The following ITIH5 variants were observed in gnomAD, a reference collection of about 807,000 sequenced individuals.
ITIH5 encodes inter-alpha-trypsin inhibitor heavy chain H5.
ITIH5 carries 65 observed loss-of-function variants against 77.5 expected under a neutral mutation model. That is an observed-to-expected ratio of 0.84 (90% CI 0.69 to 1.03). The LOEUF is 1.03. ITIH5 is among the 50% of genes least tolerant of loss of function. The pLI is 0.00. For missense variants in ITIH5, 1,208 were observed against 1,213.1 expected (o/e 1.00, Z 0.06); for synonymous variants, 525 against 494.3 (o/e 1.06, Z -0.82).
At chr10:7,631,721 A>C (rs1053677996) in intron 5 of ITIH5, among the ~76,000 whole-genome samples, 1 of 152,102 alleles carries the variant, frequency 6.6e-6, no homozygotes, top group Non-Finnish European at 1.5e-5. Context: ...AACAAAATAC[A>C]TTTTAACAAG....
chr10:7,582,371 G>C lies in ITIH5; in HGVS notation c.1109-2307C>G, dbSNP rs1333948726. On this transcript the variant is annotated intron_variant, in intron 8 of 13. Transcript: ENST00000397146. ...ACAGTGAGGTTTCTGGGTTAGCTAAGAATTCCACTGGACTAAGCTACCAAC... is the reference window on the plus strand; with the variant it reads ...ACAGTGAGGTTTCTGGGTTAGCTAACAATTCCACTGGACTAAGCTACCAAC... Among the ~76,000 whole-genome samples the C allele has an allele frequency of 2.0e-5, 3 of 152,124 alleles. No individual in the cohort carries two copies. In the East Asian group the frequency reaches 5.8e-4, roughly 29 times the overall value.
At chr10:7,616,883 A>G (rs927523220) in intron 6 of ITIH5, among the ~76,000 whole-genome samples, 2 of 152,210 alleles carry the variant, frequency 1.3e-5, no homozygotes, top group Admixed American at 1.3e-4. Flanking sequence ...AAAACACCAC[A>G]GGGAGCTTTA....
intron 2 of ITIH5, among the ~76,000 whole-genome samples, chr10:7,653,288 C>T (rs1004718499): frequency 6.6e-6 from 1 of 152,140 alleles, no homozygotes; most frequent in Non-Finnish European, 1.5e-5. Flanking sequence ...CTCACTGCAA[C>T]CTATGCCTCC....
At chr10:7,600,415 T>C in intron 7 of ITIH5, 1 of 407,428 alleles carries the variant, frequency 2.5e-6, no homozygotes, top group Non-Finnish European at 4.9e-6. Context: ...CACAACTGTC[T>C]CCTGAACATC....
rs1353118230 is a variant in ITIH5, at chr10:7,566,814, G to A, written c.2150-407C>T. Among the ~76,000 whole-genome samples the A allele has an allele frequency of 7.7e-4, 33 of 42,698 alleles. 6 individuals carry two copies. Among genetic ancestry groups the A allele is most frequent in the African/African-American group, 2.1e-3 (16 of 7,640 alleles). 28.0% of individuals were successfully genotyped at this position (42,698 alleles called of 152,430 possible). ...AAGAAGAAGAAGAGGAAGAGGAAGA[G>A]GAAGAGGAAGAGGAAGAGGAAGAGG... is the stretch of plus-strand genomic sequence containing the variant. On this transcript the variant is annotated intron_variant, in intron 12 of 13. Coordinates refer to ENST00000397146, the MANE Select transcript of ITIH5 (RefSeq NM_030569.7).
intron 1 of ITIH5, among the ~76,000 whole-genome samples, chr10:7,659,976 C>A (rs1834249930): frequency 6.6e-6 from 1 of 152,202 alleles, no homozygotes; most frequent in Admixed American, 6.5e-5. Flanking sequence ...TGACTCCCAG[C>A]TTCAGGCAAA....
intron 7 of ITIH5, among the ~76,000 whole-genome samples, chr10:7,598,851 G>A (rs1235052293): frequency 4.6e-5 from 7 of 152,064 alleles, no homozygotes; most frequent in Admixed American, 4.6e-4. Context: ...TTTTAAAAAG[G>A]CTGAATAGGT....
rs1048984145 is a variant in ITIH5 at position 7,627,177 on chromosome 10, G to C, written c.653-9895C>G. ...GGGGAGGGAAAGCATTAGGACAAAA[G>C]CTAATACATGCGGGGCTTAAAACCT... On this transcript the variant is annotated intron_variant, in intron 5 of 13. Transcript: ENST00000397146. Among the ~76,000 whole-genome samples the C allele has an allele frequency of 2.0e-5, 3 of 152,228 alleles. No homozygotes were observed. The East Asian group carries it at 5.8e-4, about 29-fold the overall frequency.
chr10:7,632,204 T>C (rs953117839), intron 5 of ITIH5, among the ~76,000 whole-genome samples: 2 of 152,224 alleles, frequency 1.3e-5, no homozygotes, highest in African/African-American at 4.8e-5. Flanking sequence ...CAACCTTTAC[T>C]GAGCATCTGA....
intron 1 of ITIH5, among the ~76,000 whole-genome samples, chr10:7,656,001 C>T (rs923402503): frequency 3.9e-5 from 6 of 152,118 alleles, no homozygotes; most frequent in African/African-American, 1.4e-4. Flanking sequence ...TATTCTGTTT[C>T]ATTTTATTTG....
chr10:7,580,558 T>C (rs959992845), intron 8 of ITIH5, among the ~76,000 whole-genome samples: 1 of 152,230 alleles, frequency 6.6e-6, no homozygotes, highest in Non-Finnish European at 1.5e-5. Flanking sequence ...ATTATCCCAC[T>C]GTAACAAACC....
rs183782560 is a variant in ITIH5, at chr10:7,642,107, A to C, written c.136-17T>G. On this transcript the variant is annotated splice_polypyrimidine_tract_variant and intron_variant, in intron 2 of 13. Transcript: ENST00000397146. ...TTTGGTTTTCTGTAGGAATGAAAAC[A>C]CACAGTATCATCGGTGATGCATGAA... is the stretch of plus-strand genomic sequence containing the variant. The C allele has an allele frequency of 7.8e-5, 125 of 1,610,342 alleles. No homozygotes were observed. In the African/African-American group the frequency reaches 1.5e-3, roughly 19 times the overall value.
At chr10:7,633,116 C>A (rs984677555) in intron 5 of ITIH5, among the ~76,000 whole-genome samples, 3 of 152,184 alleles carry the variant, frequency 2.0e-5, no homozygotes, top group Non-Finnish European at 4.4e-5. Flanking sequence ...ATACTCTGTT[C>A]CACTGAGCTC....
chr10:7,574,794 GA>G (rs59563530), intron 10 of ITIH5, among the ~76,000 whole-genome samples: 122 of 85,636 alleles, frequency 1.4e-3, no homozygotes, highest in Middle Eastern at 6.3e-3. Context: ...CTCCATCTCG[GA>G]AAAAAAAAAA....
intron 5 of ITIH5, among the ~76,000 whole-genome samples, chr10:7,635,107 C>G (rs548729317): frequency 1.3e-5 from 2 of 152,054 alleles, no homozygotes; most frequent in African/African-American, 2.4e-5. Flanking sequence ...TTCTGTAGTT[C>G]GAAGACACTC....
intron 6 of ITIH5, among the ~76,000 whole-genome samples, 190 bp from the exon 7 acceptor site, chr10:7,616,288 A>C (rs1833365171): frequency 6.6e-6 from 1 of 152,188 alleles, no homozygotes; most frequent in Non-Finnish European, 1.5e-5. Context: ...TTTAATCTGT[A>C]TAAGGGTAGA....
intron 7 of ITIH5, among the ~76,000 whole-genome samples, chr10:7,612,192 A>C (rs1833259933): frequency 6.6e-6 from 1 of 152,246 alleles, no homozygotes; most frequent in South Asian, 2.1e-4. Flanking sequence ...TATTATCACA[A>C]AAAATGGAAA....
intron 5 of ITIH5, among the ~76,000 whole-genome samples, chr10:7,623,320 T>C (rs1034316654): frequency 6.6e-6 from 1 of 152,200 alleles, no homozygotes; most frequent in African/African-American, 2.4e-5. Flanking sequence ...TCTATGTTTG[T>C]TTATGAACCC....
At position 7,644,667 on chromosome 10, in the gene ITIH5, A is replaced by ATATATCACATATC. The variant is rs1463916889; in HGVS notation, c.136-2578_136-2577insGATATGTGATATA. Among the ~76,000 whole-genome samples the ATATATCACATATC allele has an allele frequency of 1.3e-4, 18 of 136,796 alleles. 5 individuals are homozygous for ATATATCACATATC. Among genetic ancestry groups the ATATATCACATATC allele is most frequent in the South Asian group, 2.3e-4 (1 of 4,294 alleles). The allele number at this position is 136,796 out of a possible 152,430, so 89.7% of individuals were successfully genotyped here. ...ATCATATATATCACATATATATCATATATATCACATATATATCATATATAT... is the reference window on the plus strand; with the variant it reads ...ATCATATATATCACATATATATCATATATATCACATATCTATATCACATATATATCATATATAT... On this transcript the variant is annotated intron_variant, in intron 2 of 13. Transcript: ENST00000397146.
Sources: gnomAD v4.1 joint callset for allele counts (sites outside exome capture counted in the v4.1 genomes callset) on GRCh38, gnomAD v4.1.1 for gene constraint, MANE v1.5 for transcripts, NCBI Gene and HGNC (gene_info 2026-07-23, HGNC 2026-07-21) for gene names.